Variants in RAD18 observed in about 807,000 individuals in gnomAD.
RAD18 encodes the protein E3 ubiquitin-protein ligase RAD18.
A neutral mutation model predicts 60.4 loss-of-function variants in RAD18; 47 were observed. The observed-to-expected ratio is 0.78, with a 90% confidence interval of 0.62 to 0.99. The LOEUF (loss-of-function observed/expected upper bound fraction) is 0.99, where lower values mean the gene tolerates loss of function less well. Ranked by LOEUF, RAD18 falls within the 50% of genes least tolerant of loss-of-function variation. The probability of loss-of-function intolerance (pLI) is 0.00; values close to 1 mark genes in which losing one functional copy is unlikely to be tolerated. For synonymous variants in RAD18, 225 were observed against 195.5 expected, an observed-to-expected ratio of 1.15 and a Z score of -1.26; for missense variants, 640 against 593.3, an observed-to-expected ratio of 1.08 and a Z score of -0.82.
intron 4 of RAD18, among the ~76,000 whole-genome samples, chr3:8,942,686 G>C (rs1181469643): frequency 6.6e-6 from 1 of 152,272 alleles, no homozygotes. Context: ...TTACTTGTTA[G>C]AGAAAATAAG....
chr3:8,912,578 C>A, intron 8 of RAD18: 1 of 339,770 alleles, frequency 2.9e-6, no homozygotes, highest in Non-Finnish European at 5.3e-6. Flanking sequence ...TATTTTTTCT[C>A]ATCAGTAGAA....
intron 10 of RAD18, 71 bp downstream of exon 10, chr3:8,902,309 G>A (rs1939925131): frequency 7.6e-7 from 1 of 1,320,160 alleles, no homozygotes; most frequent in South Asian, 1.9e-5. Flanking sequence ...AATTTCTTTG[G>A]TTTAATTTTT....
intron 7 of RAD18, among the ~76,000 whole-genome samples, chr3:8,914,525 T>A (rs1004076299): frequency 4.6e-5 from 7 of 152,218 alleles, no homozygotes; most frequent in Non-Finnish European, 8.8e-5. Flanking sequence ...TTTCTGTATA[T>A]GTTTGAAATA....
chr3:8,889,067 C>T (rs6793705), intron 12 of RAD18, among the ~76,000 whole-genome samples: 5,502 of 152,216 alleles, frequency 0.036, 335 homozygotes, highest in African/African-American at 0.12. Context: ...ACATAAAATG[C>T]TACTGCTTGA....
chr3:8,903,451 G>A (rs550157454), intron 9 of RAD18, among the ~76,000 whole-genome samples: 6 of 152,104 alleles, frequency 3.9e-5, no homozygotes, highest in South Asian at 2.1e-4. Context: ...TCACATTTCC[G>A]GCCGGTTTCC....
In RAD18 at chr3:8,939,598, T is replaced by C; in HGVS notation, c.660A>G (p.Leu220=). The C allele has an allele frequency of 1.2e-6, 2 of 1,613,364 alleles. No individual in the cohort carries two copies. Among genetic ancestry groups the C allele is most frequent in the Non-Finnish European group, 1.7e-6 (2 of 1,179,440 alleles). Residue 220 remains leucine, a synonymous_variant, in exon 6 of 13, where the codon TTA becomes TTG. Transcript: ENST00000264926. ...NIPESHINKH[L]DSCLSREEKK... ...TCTCTTCGCGTGATAAACAGCTGTC[T>C]AAATGCTTATTAATGTGACTTTCTG... is the stretch of plus-strand genomic sequence containing the variant.
intron 9 of RAD18, among the ~76,000 whole-genome samples, chr3:8,905,665 AG>A (rs1281963917): frequency 1.3e-5 from 2 of 152,238 alleles, no homozygotes; most frequent in African/African-American, 4.8e-5. Context: ...TTATTCATCT[AG>A]CCCTGAACTG....
intron 9 of RAD18, among the ~76,000 whole-genome samples, chr3:8,910,069 CAAG>C (rs1220025419): frequency 1.3e-5 from 2 of 152,054 alleles, no homozygotes; most frequent in Non-Finnish European, 2.9e-5. Flanking sequence ...AAGTTGGTGA[CAAG>C]AAATTCCAGA....
At position 8,914,280 on chromosome 3, in the gene RAD18, C is replaced by T. The variant is rs558678503; in HGVS notation, c.890-560G>A. ...GCAAACAGCACAGAATTTGCAAATGCTATCTTTCTGCATCCAAAGTCAATA... is the reference window on the plus strand; with the variant it reads ...GCAAACAGCACAGAATTTGCAAATGTTATCTTTCTGCATCCAAAGTCAATA... On this transcript the variant is annotated intron_variant, in intron 7 of 12. Coordinates refer to ENST00000264926, the MANE Select transcript of RAD18 (RefSeq NM_020165.4). Among the ~76,000 whole-genome samples the T allele has an allele frequency of 6.6e-5, 10 of 152,328 alleles. No homozygotes were observed. In the East Asian group the frequency reaches 1.9e-3, roughly 29 times the overall value.
chr3:8,947,677 A>G (rs541972605), intron 3 of RAD18, among the ~76,000 whole-genome samples: 1 of 152,382 alleles, frequency 6.6e-6, no homozygotes, highest in Admixed American at 6.5e-5. Context: ...CTAAGTGTTC[A>G]AGGAGAATTT....
At chr3:8,919,511 G>A (rs1274151625) in intron 7 of RAD18, among the ~76,000 whole-genome samples, 1 of 152,212 alleles carries the variant, frequency 6.6e-6, no homozygotes, top group East Asian at 1.9e-4. Flanking sequence ...GCTACAGTAT[G>A]AAATACTTTT....
intron 4 of RAD18, among the ~76,000 whole-genome samples, chr3:8,945,424 C>T (rs889695259): frequency 5.3e-5 from 8 of 150,948 alleles, no homozygotes; most frequent in African/African-American, 1.7e-4. Context: ...TCTTGATAAT[C>T]CTAACCCTGT....
chr3:8,941,115 G>A (rs1940739966), intron 5 of RAD18, among the ~76,000 whole-genome samples: 1 of 152,158 alleles, frequency 6.6e-6, no homozygotes, highest in Admixed American at 6.5e-5. Flanking sequence ...AGAACAGTGA[G>A]GAGGCATTCA....
chr3:8,881,854 T>C (rs1365679441), intron 12 of RAD18, among the ~76,000 whole-genome samples: 1 of 152,150 alleles, frequency 6.6e-6, no homozygotes, highest in Non-Finnish European at 1.5e-5. Flanking sequence ...AAAGTAAAAT[T>C]CCAAAGAAAA....
rs1160084653 is a variant in RAD18, at chr3:8,947,206, A to G, written c.266+14T>C. The G allele has an allele frequency of 1.3e-6, 2 of 1,578,400 alleles. No individual in the cohort carries two copies. Among genetic ancestry groups the G allele is most frequent in the Non-Finnish European group, 1.7e-6 (2 of 1,148,950 alleles). Reference sequence around the variant, plus strand: ...CAAAAGTAGTTAGAGGTTAGTCACAAAATTAAATCATACCGTGCAAAATTC... The same window carrying G: ...CAAAAGTAGTTAGAGGTTAGTCACAGAATTAAATCATACCGTGCAAAATTC... On this transcript the variant is annotated intron_variant, in intron 4 of 12. Transcript: ENST00000264926.
intron 7 of RAD18, among the ~76,000 whole-genome samples, chr3:8,929,446 A>G (rs1231716860): frequency 6.6e-6 from 1 of 152,228 alleles, no homozygotes; most frequent in Non-Finnish European, 1.5e-5. Flanking sequence ...AGAAAATGTT[A>G]CTTAAAAAAA....
chr3:8,941,636 T>G lies in RAD18; in HGVS notation c.435A>C (p.Thr145=). The part of the protein sequence containing the change: ...NFLIREMSGS[T]SELLIKENKS... Reference sequence around the variant, plus strand: ...TATTTTCTTTTATCAACAACTCTGATGTAGAACCACTCATTTCTCTGATCA... The same window carrying G: ...TATTTTCTTTTATCAACAACTCTGAGGTAGAACCACTCATTTCTCTGATCA... The change falls in exon 5 of 13, where the codon ACA becomes ACC. Residue 145 remains threonine (T), a synonymous_variant. Transcript: ENST00000264926. 6.2e-7 allele frequency: 1 copy of G among 1,614,184 alleles called. No homozygotes were observed. The highest frequency in any genetic ancestry group is 1.6e-4 in the Middle Eastern group (1 of 6,062).
At chr3:8,938,192 A>T (rs561554763) in intron 6 of RAD18, among the ~76,000 whole-genome samples, 2 of 152,292 alleles carry the variant, frequency 1.3e-5, no homozygotes, top group African/African-American at 4.8e-5. Context: ...TTTTATTCTC[A>T]TTAACAAACT....
intron 7 of RAD18, among the ~76,000 whole-genome samples, chr3:8,924,349 C>T (rs1450533312): frequency 7.2e-4 from 107 of 148,064 alleles, no homozygotes; most frequent in Middle Eastern, 3.4e-3. Flanking sequence ...ATCAATTCAA[C>T]AAGAAGAGCT....
Sources: allele counts gnomAD v4.1 joint callset (sites outside exome capture counted in the v4.1 genomes callset), GRCh38; gene constraint gnomAD v4.1.1; transcripts MANE v1.5; gene names NCBI Gene and HGNC (gene_info 2026-07-23, HGNC 2026-07-21).